IQCH: variants seen among roughly 807,000 people sequenced by gnomAD.
IQCH encodes the protein IQ domain-containing protein H.
Under a neutral mutation model 117.0 loss-of-function variants are expected in IQCH, and 98 were observed. The observed-to-expected ratio is 0.84, with a 90% confidence interval of 0.71 to 0.99. The LOEUF (loss-of-function observed/expected upper bound fraction) is 0.99, where lower values mean the gene tolerates loss of function less well. Among genes scored for constraint, IQCH ranks in the 50% least tolerant of loss-of-function variants. The pLI, the probability that IQCH is intolerant of heterozygous loss-of-function variation, is 0.00. For missense variants in IQCH, 1,102 were observed against 1,243.8 expected (o/e 0.89, Z 1.72); for synonymous variants, 412 against 448.2 (o/e 0.92, Z 1.02).
intron 16 of IQCH, among the ~76,000 whole-genome samples, chr15:67,444,649 A>G (rs946409812): frequency 1.6e-4 from 25 of 152,218 alleles, no homozygotes; most frequent in African/African-American, 5.1e-4. Context: ...CTAGATATCT[A>G]TTATGGGTTT....
chr15:67,376,866 C>A lies in IQCH; in HGVS notation c.1372+3433C>A, dbSNP rs1001671279. 6.6e-6 allele frequency among the ~76,000 whole-genome samples: 1 copy of A among 151,962 alleles called. No homozygotes were observed. Among genetic ancestry groups the A allele is most frequent in the Non-Finnish European group, 1.5e-5 (1 of 67,990 alleles). On this transcript the variant is annotated intron_variant, in intron 10 of 20. Transcript: ENST00000335894. This position sits in a 1 kb window ranked among gnomAD's most constrained non-coding sequence, Gnocchi z 5.0. ...AGGTGTGATGGCTCACGCCTGTAAT[C>A]CCAATCCTTCAAGAGGCCAAGGTGG...
At chr15:67,293,514 T>C (rs867088780) in intron 4 of IQCH, among the ~76,000 whole-genome samples, 14 of 152,218 alleles carry the variant, frequency 9.2e-5, no homozygotes, top group Non-Finnish European at 1.2e-4. Context: ...AAATGTTCTG[T>C]AAATAGTTTT....
At chr15:67,486,038 CTTTT>C (rs55963427) in intron 18 of IQCH, among the ~76,000 whole-genome samples, 1 of 106,306 alleles carries the variant, frequency 9.4e-6, no homozygotes, top group Admixed American at 1.2e-4. Flanking sequence ...GCTAAGTTTT[CTTTT>C]TTTTTTTTTT....
At chr15:67,349,381 G>A (rs1252708649) in intron 6 of IQCH, among the ~76,000 whole-genome samples, 1 of 152,204 alleles carries the variant, frequency 6.6e-6, no homozygotes, top group Non-Finnish European at 1.5e-5. Flanking sequence ...CACTTTGGGA[G>A]GCCAAGTTGG....
chr15:67,305,152 AT>A lies in IQCH; in HGVS notation c.387+25647del, dbSNP rs1176875205. On this transcript the variant is annotated intron_variant, in intron 4 of 20. Coordinates refer to ENST00000335894, the MANE Select transcript of IQCH (RefSeq NM_001031715.3). ...AAACAATTACTGAGGTAACATCTCT[AT>A]TTTTTTAAATACATTTTTAACCTTT... Among the ~76,000 whole-genome samples, 3 of 152,058 alleles carry A rather than the reference AT, an allele frequency of 2.0e-5. No individual in the cohort carries two copies. The East Asian group carries it at 5.8e-4, about 29-fold the overall frequency.
intron 3 of IQCH, among the ~76,000 whole-genome samples, chr15:67,271,587 C>T (rs1394314894): frequency 6.6e-6 from 1 of 152,082 alleles, no homozygotes; most frequent in Non-Finnish European, 1.5e-5. Context: ...TGGCTTTGAT[C>T]TCTTTACTCC....
chr15:67,255,012 G>A, intron 1 of IQCH, 65 bp downstream of exon 1: 4 of 1,499,086 alleles, frequency 2.7e-6, no homozygotes, highest in Non-Finnish European at 3.7e-6. Flanking sequence ...GAGGTCCCGC[G>A]CGCCGATTCA....
At position 67,269,186 on chromosome 15, in the gene IQCH, G is replaced by A. The variant is rs145910913; in HGVS notation, c.269+5970G>A. Among the ~76,000 whole-genome samples the A allele has an allele frequency of 4.5e-3, 692 of 152,182 alleles. 3 individuals carry two copies. The highest frequency in any genetic ancestry group is 0.044 in the Middle Eastern group (13 of 294). On this transcript the variant is annotated intron_variant, in intron 3 of 20. Transcript: ENST00000335894. Reference sequence around the variant, plus strand: ...AATATCTCATCTTACAGATAAACCAGAGAAATGCAAATCAAACAATATATT... The same window carrying A: ...AATATCTCATCTTACAGATAAACCAAAGAAATGCAAATCAAACAATATATT...
At chr15:67,341,028 A>G (rs1417010822) in intron 5 of IQCH, among the ~76,000 whole-genome samples, 1 of 152,122 alleles carries the variant, frequency 6.6e-6, no homozygotes, top group African/African-American at 2.4e-5. Flanking sequence ...CCTGGGCAAA[A>G]TGGCAAAACC....
In IQCH at chr15:67,390,896, G is replaced by A. The variant is rs1156618012; in HGVS notation, c.1632+1890G>A. On this transcript the variant is annotated intron_variant, in intron 12 of 20. Transcript: ENST00000335894. The surrounding 1 kb of genome is among the most constrained non-coding windows in gnomAD (Gnocchi z 5.0). ...ACCAAGACTCATTTTCTAGTCCAAGGTTACTAGTAAGGCCAGAGTGTGAAC... is the reference window on the plus strand; with the variant it reads ...ACCAAGACTCATTTTCTAGTCCAAGATTACTAGTAAGGCCAGAGTGTGAAC... 6.6e-6 allele frequency among the ~76,000 whole-genome samples: 1 copy of A among 152,188 alleles called. No homozygotes were observed. Among genetic ancestry groups the A allele is most frequent in the Non-Finnish European group, 1.5e-5 (1 of 68,030 alleles).
chr15:67,328,932 C>G (rs922232626), intron 4 of IQCH, among the ~76,000 whole-genome samples: 3 of 152,162 alleles, frequency 2.0e-5, no homozygotes, highest in Non-Finnish European at 4.4e-5. Flanking sequence ...CTGTAATGCT[C>G]TACTCCTTCC....
intron 4 of IQCH, among the ~76,000 whole-genome samples, chr15:67,326,759 A>G (rs1209578607): frequency 6.6e-6 from 1 of 152,248 alleles, no homozygotes; most frequent in Non-Finnish European, 1.5e-5. Flanking sequence ...AACAATTTTC[A>G]GATGAATATA....
In IQCH at chr15:67,479,204, ATTATCTCAT is replaced by A. The variant is rs918258588; in HGVS notation, c.2799+3391_2799+3399del. Among the ~76,000 whole-genome samples the A allele has an allele frequency of 2.6e-5, 4 of 152,088 alleles. No individual in the cohort carries two copies. Among genetic ancestry groups the A allele is most frequent in the Non-Finnish European group, 5.9e-5 (4 of 68,024 alleles). ...GCCTCTGAGCTGAGCACTTTACTTCATTATCTCATTTATTCTTCATGCCTGTCCTATAAG... is the reference window on the plus strand; with the variant it reads ...GCCTCTGAGCTGAGCACTTTACTTCATTATTCTTCATGCCTGTCCTATAAG... On this transcript the variant is annotated intron_variant, in intron 18 of 20. Coordinates refer to ENST00000335894, the MANE Select transcript of IQCH (RefSeq NM_001031715.3). This position sits in a 1 kb window ranked among gnomAD's most constrained non-coding sequence, Gnocchi z 4.6.
intron 4 of IQCH, among the ~76,000 whole-genome samples, chr15:67,317,410 G>T (rs1457771546): frequency 1.3e-5 from 2 of 151,960 alleles, no homozygotes. Context: ...TCACCATGTT[G>T]GCCAGGCTGG....
rs915177791 is a variant in IQCH, at chr15:67,445,080, G to A, written c.2506-20047G>A. Among the ~76,000 whole-genome samples the A allele has an allele frequency of 9.2e-5, 14 of 151,892 alleles. No individual in the cohort carries two copies. Among genetic ancestry groups the A allele is most frequent in the African/African-American group, 3.4e-4 (14 of 41,328 alleles). On this transcript the variant is annotated intron_variant, in intron 16 of 20. Coordinates refer to ENST00000335894, the MANE Select transcript of IQCH (RefSeq NM_001031715.3). The surrounding 1 kb of genome is among the most constrained non-coding windows in gnomAD (Gnocchi z 4.3). Reference sequence around the variant, plus strand: ...ATTATACTTGGAAAGTGGTGGCTTTGGTATGATTTTTTTTAAAGGAAATAT... The same window carrying A: ...ATTATACTTGGAAAGTGGTGGCTTTAGTATGATTTTTTTTAAAGGAAATAT...
intron 9 of IQCH, among the ~76,000 whole-genome samples, chr15:67,372,876 G>C (rs1285671179): frequency 6.6e-6 from 1 of 151,168 alleles, no homozygotes; most frequent in Non-Finnish European, 1.5e-5. Flanking sequence ...TCTGGCTTTC[G>C]TGCCTGCAAA....
rs35806920 is a variant in IQCH at position 67,413,070 on chromosome 15, GGTGTGT to G, written c.2098-3836_2098-3831del. ...ATTGGAGTGTTTGTCTGTTATGGAAGGTGTGTGTGTGTGTGTGTGTGTGTGTGTGTC... is the reference window on the plus strand; with the variant it reads ...ATTGGAGTGTTTGTCTGTTATGGAAGGTGTGTGTGTGTGTGTGTGTGTGTC... On this transcript the variant is annotated intron_variant, in intron 14 of 20. Transcript: ENST00000335894. The surrounding 1 kb of genome is among the most constrained non-coding windows in gnomAD (Gnocchi z 5.0). Among the ~76,000 whole-genome samples the G allele has an allele frequency of 1.2e-3, 181 of 147,960 alleles. No homozygotes were observed. The highest frequency in any genetic ancestry group is 2.7e-3 in the Admixed American group (40 of 14,762).
chr15:67,452,813 A>C (rs1466191910), intron 16 of IQCH, among the ~76,000 whole-genome samples: 1 of 152,202 alleles, frequency 6.6e-6, no homozygotes, highest in Admixed American at 6.5e-5. Context: ...AATATCCTGA[A>C]GAGTGTTTTC....
At chr15:67,495,049 C>G (rs912814179) in intron 20 of IQCH, among the ~76,000 whole-genome samples, 4 of 152,192 alleles carry the variant, frequency 2.6e-5, no homozygotes. Context: ...TGGTATTGAA[C>G]AGCAAGGTAT....
Sources: allele counts gnomAD v4.1 joint callset (sites outside exome capture counted in the v4.1 genomes callset), GRCh38; gene constraint gnomAD v4.1.1; non-coding constraint Gnocchi (gnomAD v3.1); transcripts MANE v1.5; gene names NCBI Gene and HGNC (gene_info 2026-07-23, HGNC 2026-07-21).